Variants in RALYL observed in about 807,000 individuals in gnomAD.
The protein encoded by RALYL is RNA-binding Raly-like protein.
Under a neutral mutation model 35.1 loss-of-function variants are expected in RALYL, and 29 were observed. The observed-to-expected ratio is 0.83, with a 90% CI of 0.61 to 1.13. RALYL has a LOEUF of 1.13. Among genes scored for constraint, RALYL ranks in the 50% most tolerant of loss-of-function variants. The pLI is 0.00. For synonymous variants in RALYL, 120 were observed against 127.6 expected, an observed-to-expected ratio of 0.94 and a Z score of 0.40; for missense variants, 359 against 360.4, an observed-to-expected ratio of 1.00 and a Z score of 0.03.
intron 1 of RALYL, among the ~76,000 whole-genome samples, chr8:84,479,566 C>G (rs2053837869): frequency 6.6e-6 from 1 of 152,060 alleles, no homozygotes; most frequent in Non-Finnish European, 1.5e-5. Flanking sequence ...TTAAAATGAT[C>G]AATTGATTGA....
chr8:84,690,243 T>G (rs1473717582), intron 2 of RALYL, among the ~76,000 whole-genome samples: 2 of 152,114 alleles, frequency 1.3e-5, no homozygotes, highest in Admixed American at 1.3e-4. Context: ...ATGGATGTAT[T>G]TAGAGGACAT....
In RALYL at chr8:84,430,095, A is replaced by G. The variant is rs183575190; in HGVS notation, c.-23-99204A>G. Among the ~76,000 whole-genome samples, 226 of 152,224 alleles carry G rather than the reference A, an allele frequency of 1.5e-3. 2 individuals are homozygous for G. Among genetic ancestry groups the G allele is most frequent in the African/African-American group, 4.4e-3 (184 of 41,562 alleles). ...GTCCTTGTTAAATTTGCCACAGAAG[A>G]TAAAACATTTGTTGAGTGTGTAATT... is the stretch of plus-strand genomic sequence containing the variant. On this transcript the variant is annotated intron_variant, in intron 1 of 8. Transcript: ENST00000521268.
chr8:84,420,316 A>G (rs1359937579), intron 1 of RALYL, among the ~76,000 whole-genome samples: 1 of 151,998 alleles, frequency 6.6e-6, no homozygotes. Flanking sequence ...GCATTTTTTC[A>G]TGTGTTTTTT....
At chr8:84,712,533 AG>A (rs1211181831) in intron 2 of RALYL, among the ~76,000 whole-genome samples, 6 of 152,162 alleles carry the variant, frequency 3.9e-5, no homozygotes, top group African/African-American at 1.4e-4. Context: ...ACACATTCAA[AG>A]GTCACTTTTG....
intron 2 of RALYL, among the ~76,000 whole-genome samples, chr8:84,753,983 G>T (rs1190149733): frequency 6.6e-6 from 1 of 151,924 alleles, no homozygotes; most frequent in Non-Finnish European, 1.5e-5. Context: ...TTTTGATGGG[G>T]TTGTTTGTTT....
chr8:84,258,564 C>T (rs370003440), intron 1 of RALYL, among the ~76,000 whole-genome samples: 1 of 151,974 alleles, frequency 6.6e-6, no homozygotes, highest in Non-Finnish European at 1.5e-5. Flanking sequence ...CAAAAAAAGG[C>T]ATTCTTTCTA....
intron 2 of RALYL, among the ~76,000 whole-genome samples, chr8:84,729,699 G>T (rs1189002961): frequency 6.6e-6 from 1 of 151,884 alleles, no homozygotes; most frequent in Non-Finnish European, 1.5e-5. Flanking sequence ...TGATAAAGGG[G>T]ATATCACCAC....
intron 1 of RALYL, among the ~76,000 whole-genome samples, chr8:84,468,553 C>A (rs1202767101): frequency 6.7e-6 from 1 of 148,824 alleles, no homozygotes; most frequent in East Asian, 2.0e-4. Flanking sequence ...GTAACCCGAC[C>A]TTTCTCTCTG....
intron 2 of RALYL, among the ~76,000 whole-genome samples, chr8:84,551,601 TA>T (rs1016649428): frequency 1.3e-5 from 2 of 151,848 alleles, no homozygotes; most frequent in Admixed American, 6.6e-5. Context: ...TAGCTTGATT[TA>T]AAAAAAATGA....
At chr8:84,439,464 TTAGA>T (rs1293620221) in intron 1 of RALYL, among the ~76,000 whole-genome samples, 2 of 152,130 alleles carry the variant, frequency 1.3e-5, no homozygotes, top group Admixed American at 6.6e-5. Flanking sequence ...ACAAGTGCAC[TTAGA>T]TAGAAGACTT....
chr8:84,913,032 A>ATAGGTAGG (rs1554650722), intron 8 of RALYL, among the ~76,000 whole-genome samples: 12,137 of 108,388 alleles, frequency 0.11, 784 homozygotes, highest in Middle Eastern at 0.17. Flanking sequence ...GGATGGATGG[A>ATAGGTAGG]TAGGTAGGTA....
intron 1 of RALYL, among the ~76,000 whole-genome samples, chr8:84,400,977 G>GTTA (rs2131967390): frequency 6.6e-6 from 1 of 152,258 alleles, no homozygotes; most frequent in African/African-American, 2.4e-5. Context: ...CATCAACTTA[G>GTTA]TTATGGCAGG....
chr8:84,896,993 G>T (rs1448562132), intron 8 of RALYL, among the ~76,000 whole-genome samples: 1 of 152,044 alleles, frequency 6.6e-6, no homozygotes, highest in Non-Finnish European at 1.5e-5. Context: ...ACCAAAAAGT[G>T]TTATTTAATT....
rs181485832 is a variant in RALYL, at chr8:84,265,587, G to A, written c.-24+81163G>A. On this transcript the variant is annotated intron_variant, in intron 1 of 8. Coordinates refer to ENST00000521268, the MANE Select transcript of RALYL (RefSeq NM_173848.7). The stretch of plus-strand genomic sequence containing the variant: ...AAGTGGTGCTTCTCTAGAGCCACCC[G>A]AAAGGAACACAGCCATGTGAAACTG... Among the ~76,000 whole-genome samples the A allele has an allele frequency of 1.5e-4, 23 of 151,924 alleles. No individual in the cohort carries two copies. In the East Asian group the frequency reaches 4.4e-3, roughly 29 times the overall value.
chr8:84,909,931 C>T (rs1467472776), intron 8 of RALYL, among the ~76,000 whole-genome samples: 1 of 152,074 alleles, frequency 6.6e-6, no homozygotes, highest in Non-Finnish European at 1.5e-5. Context: ...GTTTGGTGTT[C>T]TCTAACAATT....
intron 1 of RALYL, among the ~76,000 whole-genome samples, chr8:84,493,581 T>A (rs965725329): frequency 1.1e-4 from 17 of 152,252 alleles, no homozygotes; most frequent in African/African-American, 4.1e-4. Context: ...CATCAGTTGT[T>A]TCTTGACTTT....
At chr8:84,700,970 T>C (rs1840079473) in intron 2 of RALYL, among the ~76,000 whole-genome samples, 1 of 152,084 alleles carries the variant, frequency 6.6e-6, no homozygotes, top group South Asian at 2.1e-4. Flanking sequence ...AGGAATTGTA[T>C]GAATAGGGAG....
intron 2 of RALYL, among the ~76,000 whole-genome samples, chr8:84,711,212 A>G (rs1842131515): frequency 6.6e-6 from 1 of 152,178 alleles, no homozygotes; most frequent in African/African-American, 2.4e-5. Flanking sequence ...CATGAGGAAC[A>G]TTGGATAGAT....
At chr8:84,279,758 A>G (rs1836178527) in intron 1 of RALYL, among the ~76,000 whole-genome samples, 1 of 152,016 alleles carries the variant, frequency 6.6e-6, no homozygotes, top group Non-Finnish European at 1.5e-5. Flanking sequence ...CTGTCACCAT[A>G]TCTTTTTACC....
Sources: gnomAD v4.1 joint callset for allele counts (sites outside exome capture counted in the v4.1 genomes callset) on GRCh38, gnomAD v4.1.1 for gene constraint, MANE v1.5 for transcripts, NCBI Gene and HGNC (gene_info 2026-07-23, HGNC 2026-07-21) for gene names.